Variants in PINK1 observed in about 807,000 individuals in gnomAD.
PINK1 encodes PTEN induced kinase 1.
A neutral mutation model predicts 56.0 loss-of-function variants in PINK1; 58 were observed. That is an observed-to-expected ratio of 1.04 (90% confidence interval 0.84 to 1.29). The LOEUF is 1.29. PINK1 is among the 50% of genes most tolerant of loss of function. The pLI, the probability that PINK1 is intolerant of heterozygous loss-of-function variation, is 0.00. For missense variants in PINK1, 745 were observed against 777.9 expected (o/e 0.96, Z 0.50); for synonymous variants, 354 against 339.3 (o/e 1.04, Z -0.48).
At chr1:20,646,654 A>ATTAG (rs1434573512) in intron 5 of PINK1, among the ~76,000 whole-genome samples, 1 of 151,740 alleles carries the variant, frequency 6.6e-6, no homozygotes, top group Non-Finnish European at 1.5e-5. Context: ...AAATAAATTA[A>ATTAG]TTAATTAATT....
intron 3 of PINK1, among the ~76,000 whole-genome samples, chr1:20,644,045 T>C (rs142652546): frequency 1.0e-3 from 153 of 152,264 alleles, no homozygotes; most frequent in African/African-American, 3.6e-3. Flanking sequence ...TCTCTCTCTC[T>C]CCTCTCTCTA....
At position 20,638,102 on chromosome 1, in the gene PINK1, G is replaced by C; in HGVS notation, c.648G>C (p.Leu216Phe). ...ERAPGAPAFP[L>F]AIKMMWNISA... The stretch of plus-strand genomic sequence containing the variant: ...CTCCGGGGGCCCCTGCCTTCCCCTT[G>C]GCCATCAAGATGATGTGGAACATCT... Residue 216 changes from leucine to phenylalanine, a missense_variant, in exon 2 of 8, where the codon TTG (leucine) becomes TTC (phenylalanine). Leu to Phe is a conservative substitution (Grantham distance 22, BLOSUM62 0). Coordinates refer to ENST00000321556, the MANE Select transcript of PINK1 (RefSeq NM_032409.3). The C allele has an allele frequency of 6.2e-7, 1 of 1,613,332 alleles. No homozygotes were observed. The highest frequency in any genetic ancestry group is 8.5e-7 in the Non-Finnish European group (1 of 1,180,000).
intron 6 of PINK1, 37 bp downstream of exon 6, chr1:20,648,669 T>C: frequency 1.2e-6 from 2 of 1,610,454 alleles, no homozygotes; most frequent in Non-Finnish European, 1.7e-6. Context: ...TCGGCAGCCC[T>C]TCCCCCACAT....
intron 1 of PINK1, 142 bp downstream of exon 1, chr1:20,634,077 C>G: frequency 2.0e-6 from 2 of 976,936 alleles, no homozygotes; most frequent in South Asian, 1.6e-5. Flanking sequence ...TAAAGCTCAT[C>G]TATTTCACCA....
chr1:20,642,252 C>G (rs767907691), intron 3 of PINK1, among the ~76,000 whole-genome samples: 10 of 152,200 alleles, frequency 6.6e-5, no homozygotes, highest in Admixed American at 1.3e-4. Context: ...GTGCTAGAAG[C>G]AGTCACACTG....
intron 5 of PINK1, 72 bp from the exon 6 acceptor site, chr1:20,648,433 G>GT: frequency 1.9e-6 from 3 of 1,602,432 alleles, no homozygotes; most frequent in Non-Finnish European, 2.6e-6. Context: ...GGTGGCTTTA[G>GT]TAGGGACATA....
intron 5 of PINK1, 85 bp downstream of exon 5, chr1:20,645,808 T>A: frequency 6.6e-7 from 1 of 1,513,264 alleles, no homozygotes; most frequent in East Asian, 2.3e-5. Flanking sequence ...TCAGGTCCTC[T>A]CTGGTTTTGT....
Position 20,633,921 on chromosome 1 carries a change from T to C in PINK1, c.373T>C (p.Cys125Arg). The change falls in exon 1 of 8, where the codon TGT becomes CGT. Residue 125 changes from cysteine (C) to arginine (R), a missense_variant. Coordinates refer to ENST00000321556, the MANE Select transcript of PINK1 (RefSeq NM_032409.3). ...QAESRRAVSA[C>R]QEIQAIFTQK... ...GGAGAGCCGGCGGGCGGTCTCGGCC[T>C]GTCAGGAGATCCAGGTGAGCGGGGC... 1 of 1,582,432 alleles carries C rather than the reference T, an allele frequency of 6.3e-7. No individual in the cohort carries two copies. The highest frequency in any genetic ancestry group is 8.6e-7 in the Non-Finnish European group (1 of 1,168,122).
rs776183250 is a variant in PINK1, at chr1:20,644,616, A to G, written c.903A>G (p.Ser301=). ...TCGACTACCCTGATGTGCTGCCCTC[A>G]CGCCTCCACCCTGAAGGCCTGGGCC... ...ALVDYPDVLP[S]RLHPEGLGHG... Residue 301 remains serine, a synonymous_variant, in exon 4 of 8, where the codon TCA becomes TCG. Coordinates refer to ENST00000321556, the MANE Select transcript of PINK1 (RefSeq NM_032409.3). The G allele has an allele frequency of 1.6e-5, 26 of 1,613,990 alleles. No homozygotes were observed. Among genetic ancestry groups the G allele is most frequent in the Middle Eastern group, 3.3e-4 (2 of 6,084 alleles).
In PINK1 at chr1:20,633,921, T is replaced by A; in HGVS notation, c.373T>A (p.Cys125Ser). The change falls in exon 1 of 8, where the codon TGT becomes AGT. Residue 125 changes from cysteine to serine, a missense_variant. Coordinates refer to ENST00000321556, the MANE Select transcript of PINK1 (RefSeq NM_032409.3). ...GGAGAGCCGGCGGGCGGTCTCGGCCTGTCAGGAGATCCAGGTGAGCGGGGC... is the reference window on the plus strand; with the variant it reads ...GGAGAGCCGGCGGGCGGTCTCGGCCAGTCAGGAGATCCAGGTGAGCGGGGC... Reference protein sequence around the residue: ...QAESRRAVSACQEIQAIFTQK... With the variant: ...QAESRRAVSASQEIQAIFTQK... 1 of 1,582,432 alleles carries A rather than the reference T, an allele frequency of 6.3e-7. No homozygotes were observed. Among genetic ancestry groups the A allele is most frequent in the Non-Finnish European group, 8.6e-7 (1 of 1,168,122 alleles).
rs1557559211 is a variant in PINK1, at chr1:20,633,728, G to A, written c.180G>A (p.Gly60=). ...AGPGAEPRRV[G]LGLPNRLRFF... is the part of the protein sequence containing the mutation. ...CGGGCGCGGAGCCTCGCAGGGTCGG[G>A]CTCGGGCTCCCTAACCGTCTCCGCT... The change falls in exon 1 of 8, where the codon GGG becomes GGA. Residue 60 remains glycine, a synonymous_variant. Transcript: ENST00000321556. 6.5e-7 allele frequency: 1 copy of A among 1,533,142 alleles called. No homozygotes were observed. The highest frequency in any genetic ancestry group is 2.0e-5 in the Admixed American group (1 of 50,876). 95.0% of individuals were successfully genotyped at this position (1,533,142 alleles called of 1,614,324 possible). A position where few individuals can be genotyped will look rare whatever the true frequency, so the allele number is the denominator to read the frequency against.
rs756084756 is a variant in PINK1, at chr1:20,650,636, G to C, written c.1691G>C (p.Cys564Ser). Reference protein sequence around the residue: ...MKMLFLANLECETLCQAALLL... With the variant: ...MKMLFLANLESETLCQAALLL... The stretch of plus-strand genomic sequence containing the variant: ...ATGCTCTTTCTGGCTAACCTGGAGT[G>C]TGAAACGCTCTGCCAGGCAGCCCTC... The change falls in exon 8 of 8, where the codon TGT (cysteine) becomes TCT (serine). Residue 564 changes from cysteine to serine, a missense_variant. Physicochemically the swap from Cys to Ser is moderately radical, Grantham distance 112. Coordinates refer to ENST00000321556, the MANE Select transcript of PINK1 (RefSeq NM_032409.3). 2.5e-6 allele frequency: 4 copies of C among 1,614,110 alleles called. No homozygotes were observed. The African/African-American group carries it at 5.3e-5, about 22-fold the overall frequency.
At position 20,648,568 on chromosome 1, in the gene PINK1, T is replaced by G. The variant is rs1570407259; in HGVS notation, c.1187T>G (p.Leu396Arg). Residue 396 changes from leucine to arginine, a missense_variant, in exon 6 of 8, where the codon CTG becomes CGG. Physicochemically the swap from Leu to Arg is moderately radical, Grantham distance 102. Transcript: ENST00000321556. ...TGCCTGGCTGATGAGAGCATCGGCC[T>G]GCAGTTGCCCTTCAGCAGCTGGTAC... The part of the protein sequence containing the change: ...GCCLADESIG[L>R]QLPFSSWYVD... 1.9e-6 allele frequency: 3 copies of G among 1,614,046 alleles called. No homozygotes were observed. The highest frequency in any genetic ancestry group is 2.7e-5 in the African/African-American group (2 of 74,928).
At chr1:20,637,261 C>T (rs1157060066) in intron 1 of PINK1, among the ~76,000 whole-genome samples, 1 of 152,210 alleles carries the variant, frequency 6.6e-6, no homozygotes, top group African/African-American at 2.4e-5. Flanking sequence ...GCAGCACTGC[C>T]CCCAGCACCT....
rs777344911 is a variant in PINK1 at position 20,633,975 on chromosome 1, C to G, written c.387+40C>G. 1.2e-5 allele frequency: 19 copies of G among 1,528,650 alleles called. No individual in the cohort carries two copies. In the African/African-American group the frequency reaches 2.5e-4, roughly 20 times the overall value. The allele number at this position is 1,528,650 out of a possible 1,614,324, so 94.7% of individuals were successfully genotyped here. On this transcript the variant is annotated intron_variant, in intron 1 of 7. Coordinates refer to ENST00000321556, the MANE Select transcript of PINK1 (RefSeq NM_032409.3). Reference sequence around the variant, plus strand: ...GTCCTAAGCCGAGCGGAGGACGGAGCTAAGCGCGGGGGCGGGTCCTCAGCT... The same window carrying G: ...GTCCTAAGCCGAGCGGAGGACGGAGGTAAGCGCGGGGGCGGGTCCTCAGCT...
chr1:20,645,500 A>AAC lies in PINK1; in HGVS notation c.960-59_960-58insCA, dbSNP rs746287438. 4.6e-6 allele frequency: 7 copies of AAC among 1,520,494 alleles called. No homozygotes were observed. In the African/African-American group the frequency reaches 8.2e-5, roughly 18 times the overall value. The allele number at this position is 1,520,494 out of a possible 1,614,324, so 94.2% of individuals were successfully genotyped here. ...GAGACTCCATCTCAAAAAAAAAAAAAAAAACGTATTGGGAGTCGTCGATGT... is the reference window on the plus strand; with the variant it reads ...GAGACTCCATCTCAAAAAAAAAAAAAACAAAACGTATTGGGAGTCGTCGATGT... On this transcript the variant is annotated intron_variant, in intron 4 of 7. Transcript: ENST00000321556.
chr1:20,636,428 A>G (rs1055171771), intron 1 of PINK1, among the ~76,000 whole-genome samples: 10 of 150,208 alleles, frequency 6.7e-5, no homozygotes, highest in African/African-American at 1.7e-4. Flanking sequence ...TGCAACCTCC[A>G]CCTCCCAGAT....
chr1:20,649,503 AC>A, intron 7 of PINK1: 1 of 450,636 alleles, frequency 2.2e-6, no homozygotes, highest in Middle Eastern at 6.4e-4. Context: ...GGTGGCTTAC[AC>A]CTATAATCAC....
At position 20,645,666 on chromosome 1, in the gene PINK1, CAG is replaced by C. The variant is rs756183137; in HGVS notation, c.1067_1068del (p.Gln356ArgfsTer35). Reference protein sequence around the residue: ...LLEGVDHLVQQGIAHRDLKSD... With the variant: ...LLEGVDHLVQXGIAHRDLKSD... The stretch of plus-strand genomic sequence containing the variant: ...GGAAGGCGTGGACCATCTGGTTCAA[CAG>C]GGCATCGCGCACAGAGACCTGAAAT... On this transcript the variant is annotated frameshift_variant, in exon 5 of 8. Coordinates refer to ENST00000321556, the MANE Select transcript of PINK1 (RefSeq NM_032409.3). LOFTEE classifies it high-confidence loss of function. The C allele has an allele frequency of 1.2e-6, 2 of 1,614,080 alleles. No individual in the cohort carries two copies. The highest frequency in any genetic ancestry group is 1.7e-6 in the Non-Finnish European group (2 of 1,180,034).
Sources: gnomAD v4.1 joint callset for allele counts (sites outside exome capture counted in the v4.1 genomes callset) on GRCh38, gnomAD v4.1.1 for gene constraint, MANE v1.5 for transcripts, NCBI Gene and HGNC (gene_info 2026-07-23, HGNC 2026-07-21) for gene names.